Variants in FREM1 observed in about 807,000 individuals in gnomAD.
The protein encoded by FREM1 is FRAS1 related extracellular matrix 1.
In FREM1, 220 loss-of-function variants were observed where a neutral mutation model predicts 210.1. That is an observed-to-expected ratio of 1.05 (90% CI 0.94 to 1.17). The LOEUF (loss-of-function observed/expected upper bound fraction) is 1.17. Among genes scored for constraint, FREM1 ranks in the 50% most tolerant of loss-of-function variants. FREM1 has a pLI of 0.00. For synonymous variants in FREM1, 1,189 were observed against 980.2 expected, an observed-to-expected ratio of 1.21 and a Z score of -3.98; for missense variants, 3,454 against 2,675.5, an observed-to-expected ratio of 1.29 and a Z score of -6.42.
intron 4 of FREM1, 140 bp from the exon 5 acceptor site, chr9:14,857,889 G>T: frequency 1.3e-5 from 7 of 531,184 alleles, no homozygotes; most frequent in African/African-American, 1.9e-5. Flanking sequence ...CATTCACTGA[G>T]TGGGTTGTCA....
chr9:14,794,496 A>C lies in FREM1; in HGVS notation c.3840-1612T>G, dbSNP rs563901260. On this transcript the variant is annotated intron_variant, in intron 21 of 36. Transcript: ENST00000380880. Reference sequence around the variant, plus strand: ...GCACTGCGGACACCTGAGGTGGGACACTGACATGGCAAATTCCACCACGAT... The same window carrying C: ...GCACTGCGGACACCTGAGGTGGGACCCTGACATGGCAAATTCCACCACGAT... 2.0e-5 allele frequency among the ~76,000 whole-genome samples: 3 copies of C among 152,334 alleles called. No individual in the cohort carries two copies. The East Asian group carries it at 5.8e-4, about 29-fold the overall frequency.
chr9:14,872,742 G>A (rs1403302414), intron 1 of FREM1, among the ~76,000 whole-genome samples: 2 of 150,842 alleles, frequency 1.3e-5, no homozygotes, highest in Non-Finnish European at 2.9e-5. Flanking sequence ...TCCCTGTCCT[G>A]TGCCAGTTTT....
At chr9:14,769,900 A>G (rs1847219151) in intron 26 of FREM1, 32 bp from the exon 27 acceptor site, 2 of 1,106,464 alleles carry the variant, frequency 1.8e-6, no homozygotes, top group Non-Finnish European at 2.6e-6. Context: ...TATCATGGGT[A>G]ATCAAACAAA....
chr9:14,842,679 A>T lies in FREM1; in HGVS notation c.1394-19T>A. 6.3e-7 allele frequency: 1 copy of T among 1,581,314 alleles called. No individual in the cohort carries two copies. Among genetic ancestry groups the T allele is most frequent in the Non-Finnish European group, 8.7e-7 (1 of 1,153,364 alleles). On this transcript the variant is annotated intron_variant, in intron 8 of 36. Transcript: ENST00000380880. ...TTCCCCCCTGAGGGAGAGAGCAGAG[A>T]TGGAGCAGATTGAGCAAGGGAGTGC...
At chr9:14,834,411 G>A (rs1824160032) in intron 10 of FREM1, among the ~76,000 whole-genome samples, 3 of 152,116 alleles carry the variant, frequency 2.0e-5, no homozygotes, top group Admixed American at 2.0e-4. Context: ...TTTAGTAAAA[G>A]GGTTACAAAA....
At chr9:14,850,584 G>A (rs1827524562) in intron 6 of FREM1, 1 of 152,082 alleles carries the variant, frequency 6.6e-6, no homozygotes, top group South Asian at 2.1e-4. Context: ...TGGAGGGAGA[G>A]AGAACATCAG....
At chr9:14,763,672 T>C (rs2132340948) in intron 27 of FREM1, among the ~76,000 whole-genome samples, 1 of 152,304 alleles carries the variant, frequency 6.6e-6, no homozygotes, top group African/African-American at 2.4e-5. Flanking sequence ...GGAAATGTTG[T>C]TTAAACACCC....
Position 14,821,529 on chromosome 9 carries a change from C to T in FREM1, c.2337+1631G>A, listed in dbSNP as rs190318448. Reference sequence around the variant, plus strand: ...TATCTCATACATAGAAAAGAATGGTCTGAATAAAATCTAATCAAGTTGACT... The same window carrying T: ...TATCTCATACATAGAAAAGAATGGTTTGAATAAAATCTAATCAAGTTGACT... On this transcript the variant is annotated intron_variant, in intron 13 of 36. Coordinates refer to ENST00000380880, the MANE Select transcript of FREM1 (RefSeq NM_001379081.2). 2.6e-5 allele frequency among the ~76,000 whole-genome samples: 4 copies of T among 152,288 alleles called. No homozygotes were observed. In the East Asian group the frequency reaches 7.7e-4, roughly 29 times the overall value.
At chr9:14,826,836 A>G (rs1441414301) in intron 10 of FREM1, among the ~76,000 whole-genome samples, 1 of 152,210 alleles carries the variant, frequency 6.6e-6, no homozygotes, top group East Asian at 1.9e-4. Context: ...TGGAGTATAC[A>G]GCAACGAGGC....
chr9:14,810,372 G>A (rs10961725), intron 16 of FREM1, among the ~76,000 whole-genome samples: 20,886 of 152,118 alleles, frequency 0.14, 1,479 homozygotes, highest in Non-Finnish European at 0.16. Context: ...CTACAACATA[G>A]GTAGTGAAAT....
In FREM1 at chr9:14,776,214, G is replaced by C. The variant is rs746282092; in HGVS notation, c.4443-11C>G. The C allele has an allele frequency of 3.3e-6, 5 of 1,512,894 alleles. No homozygotes were observed. Among genetic ancestry groups the C allele is most frequent in the East Asian group, 2.3e-5 (1 of 43,932 alleles). 93.7% of individuals were successfully genotyped at this position (1,512,894 alleles called of 1,614,324 possible). On this transcript the variant is annotated splice_polypyrimidine_tract_variant and intron_variant, in intron 24 of 36. Transcript: ENST00000380880. ...TTGCTGATGATGAATCTGGTAAAGA[G>C]AGGCAAGGCAGCCTTCAGCATGGAT...
chr9:14,857,957 G>A (rs577249199), intron 4 of FREM1, among the ~76,000 whole-genome samples: 61 of 152,192 alleles, frequency 4.0e-4, no homozygotes, highest in African/African-American at 1.4e-3. Context: ...TTGTCTCATC[G>A]TGCCCTCACC....
chr9:14,884,985 T>C lies in FREM1; in HGVS notation c.-267-15741A>G, dbSNP rs528808387. ...TGTCGCCCAGGCTGGAGTGCAGTGGTGCGATCTCGGCTCACTGCAAGCTCC... is the reference window on the plus strand; with the variant it reads ...TGTCGCCCAGGCTGGAGTGCAGTGGCGCGATCTCGGCTCACTGCAAGCTCC... On this transcript the variant is annotated intron_variant, in intron 1 of 36. Coordinates refer to ENST00000380880, the MANE Select transcript of FREM1 (RefSeq NM_001379081.2). Among the ~76,000 whole-genome samples, 67 of 120,484 alleles carry C rather than the reference T, an allele frequency of 5.6e-4. 1 individual carries two copies. Among genetic ancestry groups the C allele is most frequent in the East Asian group, 9.1e-4 (3 of 3,308 alleles). 79.0% of individuals were successfully genotyped at this position (120,484 alleles called of 152,430 possible). A position where few individuals can be genotyped will look rare whatever the true frequency, so the allele number is the denominator to read the frequency against.
At chr9:14,768,675 G>A (rs1351841748) in intron 27 of FREM1, among the ~76,000 whole-genome samples, 1 of 152,080 alleles carries the variant, frequency 6.6e-6, no homozygotes, top group Non-Finnish European at 1.5e-5. Flanking sequence ...AGAAAAGGAG[G>A]CTAGCTTTTT....
At chr9:14,779,210 C>T (rs1251013086) in intron 24 of FREM1, among the ~76,000 whole-genome samples, 1 of 152,132 alleles carries the variant, frequency 6.6e-6, no homozygotes, top group Non-Finnish European at 1.5e-5. Flanking sequence ...CTCATTCTAC[C>T]CTGTTTCACA....
chr9:14,748,510 G>A lies in FREM1; in HGVS notation c.5687C>T (p.Pro1896Leu), dbSNP rs764951419. The A allele has an allele frequency of 1.2e-6, 2 of 1,613,582 alleles. No homozygotes were observed. Among genetic ancestry groups the A allele is most frequent in the Non-Finnish European group, 1.7e-6 (2 of 1,179,512 alleles). ...TSGSFHLERR[P>L]LPSSMQLAVI... ...TGCTAGCTGCATGGAAGATGGAAGAGGTCTTCTTTCCAGATGAAAGGAACC... is the reference window on the plus strand; with the variant it reads ...TGCTAGCTGCATGGAAGATGGAAGAAGTCTTCTTTCCAGATGAAAGGAACC... Residue 1896 changes from proline to leucine, a missense_variant, in exon 31 of 37, where the codon CCT becomes CTT. Physicochemically the swap from Pro to Leu is moderately conservative, Grantham distance 98. Coordinates refer to ENST00000380880, the MANE Select transcript of FREM1 (RefSeq NM_001379081.2).
chr9:14,751,941 G>A (rs1843469754), intron 29 of FREM1: 1 of 151,094 alleles, frequency 6.6e-6, no homozygotes, highest in Non-Finnish European at 1.5e-5. Flanking sequence ...TAAGCTTCCA[G>A]TACTGAGTTT....
intron 17 of FREM1, among the ~76,000 whole-genome samples, chr9:14,807,466 T>C (rs1372709857): frequency 6.6e-6 from 1 of 152,184 alleles, no homozygotes; most frequent in Non-Finnish European, 1.5e-5. Flanking sequence ...ATATACATAA[T>C]GCCTATGAAA....
At chr9:14,766,848 T>C (rs114600992) in intron 27 of FREM1, among the ~76,000 whole-genome samples, 1,701 of 152,326 alleles carry the variant, frequency 0.011, 34 homozygotes, top group African/African-American at 0.039. Flanking sequence ...TTAATATGCA[T>C]ATTGACTGTT....
Sources: allele counts gnomAD v4.1 joint callset (sites outside exome capture counted in the v4.1 genomes callset), GRCh38; gene constraint gnomAD v4.1.1; transcripts MANE v1.5; gene names NCBI Gene and HGNC (gene_info 2026-07-23, HGNC 2026-07-21).